The following GABBR2 variants were observed in gnomAD, a reference collection of about 807,000 sequenced individuals.
GABBR2 encodes G-protein coupled receptor 51.
A neutral mutation model predicts 105.6 loss-of-function variants in GABBR2; 23 were observed. That is an observed-to-expected ratio of 0.22 (90% CI 0.16 to 0.31). The LOEUF (loss-of-function observed/expected upper bound fraction) is 0.31. Ranked by LOEUF, GABBR2 falls within the 10% of genes least tolerant of loss-of-function variation. GABBR2 has a pLI of 1.00. For missense variants in GABBR2, 734 were observed against 1,245.5 expected (o/e 0.59, Z 6.18); for synonymous variants, 478 against 499.7 (o/e 0.96, Z 0.58).
chr9:98,408,901 C>T (rs1456252116), intron 7 of GABBR2, among the ~76,000 whole-genome samples: 1 of 152,224 alleles, frequency 6.6e-6, no homozygotes, highest in Non-Finnish European at 1.5e-5. Flanking sequence ...GACCCTCCTG[C>T]CTCAGCCTGC....
intron 1 of GABBR2, among the ~76,000 whole-genome samples, chr9:98,689,529 A>C (rs1358276261): frequency 6.6e-6 from 1 of 152,216 alleles, no homozygotes. Context: ...TGCCTAGTGC[A>C]TGTAGACAAT....
At position 98,360,850 on chromosome 9, in the gene GABBR2, C is replaced by T. The variant is rs573725769; in HGVS notation, c.1893+1865G>A. 3.9e-5 allele frequency among the ~76,000 whole-genome samples: 6 copies of T among 152,220 alleles called. No individual in the cohort carries two copies. In the East Asian group the frequency reaches 7.7e-4, roughly 20 times the overall value. ...CACAGCTGGAGCCTTGGGAACCTCTCGTAAATACTCAGCTCCCACCTTCAT... is the reference window on the plus strand; with the variant it reads ...CACAGCTGGAGCCTTGGGAACCTCTTGTAAATACTCAGCTCCCACCTTCAT... On this transcript the variant is annotated intron_variant, in intron 13 of 18. Transcript: ENST00000259455.
At chr9:98,701,997 T>C (rs142030850) in intron 1 of GABBR2, among the ~76,000 whole-genome samples, 7 of 152,294 alleles carry the variant, frequency 4.6e-5, no homozygotes, top group Non-Finnish European at 1.0e-4. Flanking sequence ...GATTGGATTA[T>C]GTCACCTGGA....
chr9:98,699,212 T>G (rs1396900634), intron 1 of GABBR2, among the ~76,000 whole-genome samples: 1 of 152,144 alleles, frequency 6.6e-6, no homozygotes, highest in Non-Finnish European at 1.5e-5. Context: ...AAAACCATAA[T>G]GCTTCTCAGA....
At chr9:98,666,277 A>C (rs564185428) in intron 1 of GABBR2, among the ~76,000 whole-genome samples, 2 of 152,202 alleles carry the variant, frequency 1.3e-5, no homozygotes, top group Non-Finnish European at 2.9e-5. Flanking sequence ...CGATCATTAC[A>C]TGGTGCTGTG....
chr9:98,418,937 A>C (rs576799984), intron 7 of GABBR2, among the ~76,000 whole-genome samples: 82 of 152,352 alleles, frequency 5.4e-4, no homozygotes, highest in Admixed American at 1.0e-3. Flanking sequence ...TACGATTAGA[A>C]GTATTTGATT....
Position 98,454,000 on chromosome 9 carries a change from G to T in GABBR2, c.1217C>A (p.Thr406Asn). 1.2e-6 allele frequency: 2 copies of T among 1,613,520 alleles called. No individual in the cohort carries two copies. The highest frequency in any genetic ancestry group is 1.7e-6 in the Non-Finnish European group (2 of 1,179,382). The change falls in exon 7 of 19, where the codon ACC becomes AAC. Residue 406 changes from threonine (T) to asparagine (N), a missense_variant. By Grantham distance (65) the Thr-to-Asn change is moderately conservative. Coordinates refer to ENST00000259455, the MANE Select transcript of GABBR2 (RefSeq NM_005458.8). ...ACTGACCGTGACCCCGAAGAAGTTGGTCTCGTTCATGGCATTGAGGATGAT... is the reference window on the plus strand; with the variant it reads ...ACTGACCGTGACCCCGAAGAAGTTGTTCTCGTTCATGGCATTGAGGATGAT... ...GRIILNAMNE[T>N]NFFGVTGQVV...
At chr9:98,486,518 T>C (rs1827053651) in intron 4 of GABBR2, among the ~76,000 whole-genome samples, 2 of 152,180 alleles carry the variant, frequency 1.3e-5, no homozygotes, top group Non-Finnish European at 2.9e-5. Flanking sequence ...AGCTCGACCC[T>C]GAGCCTGACC....
chr9:98,611,849 C>T (rs1829511253), intron 1 of GABBR2, among the ~76,000 whole-genome samples: 1 of 152,190 alleles, frequency 6.6e-6, no homozygotes. Context: ...CCCTGATGCG[C>T]CCAAGGAGTG....
chr9:98,324,999 G>A (rs1041521853), intron 13 of GABBR2, among the ~76,000 whole-genome samples: 1 of 152,092 alleles, frequency 6.6e-6, no homozygotes, highest in Non-Finnish European at 1.5e-5. Flanking sequence ...AGTTTATAGG[G>A]TTACGCAACT....
chr9:98,623,906 A>G (rs1341580804), intron 1 of GABBR2, among the ~76,000 whole-genome samples: 1 of 152,160 alleles, frequency 6.6e-6, no homozygotes, highest in Non-Finnish European at 1.5e-5. Context: ...TGCCTACCAC[A>G]GTCTTCTTCA....
intron 7 of GABBR2, among the ~76,000 whole-genome samples, chr9:98,409,755 G>A (rs1274440774): frequency 1.3e-5 from 2 of 152,180 alleles, no homozygotes; most frequent in Admixed American, 6.5e-5. Context: ...ATGGAATCCC[G>A]AGGTCCCCTG....
At chr9:98,459,699 T>G (rs1256013184) in intron 6 of GABBR2, among the ~76,000 whole-genome samples, 1 of 152,240 alleles carries the variant, frequency 6.6e-6, no homozygotes, top group Non-Finnish European at 1.5e-5. Flanking sequence ...TTAATAGTAT[T>G]GGGAAAATAA....
At chr9:98,652,723 A>C (rs1242749222) in intron 1 of GABBR2, among the ~76,000 whole-genome samples, 2 of 152,126 alleles carry the variant, frequency 1.3e-5, no homozygotes, top group African/African-American at 4.8e-5. Flanking sequence ...TCGCATTTGG[A>C]GGCAATGGGT....
At chr9:98,498,794 G>A (rs1375417463) in intron 3 of GABBR2, among the ~76,000 whole-genome samples, 1 of 152,224 alleles carries the variant, frequency 6.6e-6, no homozygotes, top group East Asian at 1.9e-4. Context: ...TTCCATTAGA[G>A]TTTATTTCTG....
At chr9:98,633,343 C>A (rs780117055) in intron 1 of GABBR2, among the ~76,000 whole-genome samples, 11 of 152,176 alleles carry the variant, frequency 7.2e-5, no homozygotes, top group Non-Finnish European at 1.6e-4. Flanking sequence ...GAAGAACAGG[C>A]CAGGCGCAGT....
intron 3 of GABBR2, 38 bp downstream of exon 3, chr9:98,541,835 G>C (rs1828309280): frequency 8.1e-6 from 13 of 1,595,860 alleles, no homozygotes; most frequent in Non-Finnish European, 1.1e-5. Flanking sequence ...ACAGCAGCAA[G>C]CAGTAAGGCA....
In GABBR2 at chr9:98,607,979, G is replaced by T. The variant is rs1829453639; in HGVS notation, c.322-29907C>A. 5.4e-6 allele frequency: 7 copies of T among 1,306,092 alleles called. No individual in the cohort carries two copies. The East Asian group carries it at 1.7e-4, about 32-fold the overall frequency. The allele number at this position is 1,306,092 out of a possible 1,614,324, so 80.9% of individuals were successfully genotyped here. ...AGCTCCAGCGGCACCATGAGCAAAT[G>T]AAAAGGAATTTGGAAGCACAGCATA... is the stretch of plus-strand genomic sequence containing the variant. On this transcript the variant is annotated intron_variant, in intron 1 of 18. Transcript: ENST00000259455.
chr9:98,677,968 T>C (rs1830495852), intron 1 of GABBR2, among the ~76,000 whole-genome samples: 1 of 152,202 alleles, frequency 6.6e-6, no homozygotes, highest in Non-Finnish European at 1.5e-5. Context: ...CCACTTAACA[T>C]GTTACCTACC....
Sources: gnomAD v4.1 joint callset for allele counts (sites outside exome capture counted in the v4.1 genomes callset) on GRCh38, gnomAD v4.1.1 for gene constraint, MANE v1.5 for transcripts, NCBI Gene and HGNC (gene_info 2026-07-23, HGNC 2026-07-21) for gene names.